ZNF674: variants seen among roughly 807,000 people sequenced by gnomAD.
ZNF674 encodes zinc finger protein 674.
Under a neutral mutation model 7.0 loss-of-function variants are expected in ZNF674, and 2 were observed. That is an observed-to-expected ratio of 0.29 (90% CI 0.12 to 0.90). ZNF674 has a LOEUF of 0.90. ZNF674 is among the 40% of genes least tolerant of loss of function. ZNF674 has a pLI of 0.57. For synonymous variants in ZNF674, 103 were observed against 145.2 expected (o/e 0.71, Z 2.09); for missense variants, 297 against 415.5 (o/e 0.71, Z 2.48).
At position 46,498,711 on chromosome X, in the gene ZNF674, T is replaced by C. The variant is rs1190240825; in HGVS notation, c.*1132A>G. On this transcript the variant is annotated 3_prime_UTR_variant, in exon 6 of 6. Coordinates refer to ENST00000683375, the MANE Select transcript of ZNF674 (RefSeq NM_001190417.2). Reference sequence around the variant, plus strand: ...ACCAGCCTGCCCAACATGGCAAAACTGCGTCTCTACTAAAAAAAAAAAAAA... The same window carrying C: ...ACCAGCCTGCCCAACATGGCAAAACCGCGTCTCTACTAAAAAAAAAAAAAA... 5.0e-4 allele frequency: 43 copies of C among 85,533 alleles called. 1 individual carries two copies. Among genetic ancestry groups the C allele is most frequent in the African/African-American group, 1.7e-3 (39 of 23,054 alleles). The allele number at this position is 85,533 out of a possible 1,213,427, so 7.0% of individuals were successfully genotyped here.
chrX:46,500,837 G>A lies in ZNF674; in HGVS notation c.737C>T (p.Pro246Leu), dbSNP rs1941411452. Residue 246 changes from proline (P) to leucine (L), a missense_variant, in exon 6 of 6, where the codon CCT becomes CTT. Transcript: ENST00000683375. ...TTTTGCACATTCGCAGCATTCATAA[G>A]GTTTCTCTCCGGTGTGAGTTCTTTG... ...VHQRTHTGEK[P>L]YECCECAKAF... 8.4e-7 allele frequency: 1 copy of A among 1,187,363 alleles called. No homozygotes were observed. The highest frequency in any genetic ancestry group is 1.8e-5 in the South Asian group (1 of 54,901).
chrX:46,504,686 A>T (rs1941496905), intron 5 of ZNF674, among the ~76,000 whole-genome samples: 1 of 110,010 alleles, frequency 9.1e-6, no homozygotes, highest in African/African-American at 3.3e-5. Flanking sequence ...AATTTTACAA[A>T]AAGAATTCTG....
intron 5 of ZNF674, among the ~76,000 whole-genome samples, chrX:46,504,908 G>C (rs1410072714): frequency 9.3e-6 from 1 of 107,378 alleles, no homozygotes; most frequent in East Asian, 2.9e-4. Flanking sequence ...TATTTATTTT[G>C]AGATGGAGTC....
chrX:46,532,033 C>T (rs1380031890), intron 3 of ZNF674, among the ~76,000 whole-genome samples: 1 of 110,301 alleles, frequency 9.1e-6, no homozygotes, highest in African/African-American at 3.3e-5. Context: ...GGCGTGGTGG[C>T]GGGCGCCTGT....
chrX:46,505,643 C>T (rs924026755), intron 5 of ZNF674, among the ~76,000 whole-genome samples: 10 of 110,712 alleles, frequency 9.0e-5, no homozygotes, highest in Admixed American at 2.9e-4. Context: ...TGATGACAGG[C>T]GCCTATAATC....
At chrX:46,542,767 G>A (rs1303152656) in intron 2 of ZNF674, among the ~76,000 whole-genome samples, 2 of 110,928 alleles carry the variant, frequency 1.8e-5, no homozygotes, top group East Asian at 5.6e-4. Flanking sequence ...GCAGCAAAGG[G>A]GACTTAGTAA....
intron 3 of ZNF674, among the ~76,000 whole-genome samples, chrX:46,535,485 A>T (rs190299998): frequency 8.9e-6 from 1 of 111,919 alleles, no homozygotes; most frequent in African/African-American, 3.2e-5. Context: ...AAGTGAGAAA[A>T]GTATTAGAAA....
At chrX:46,537,552 GCAT>G (rs1942222220) in intron 3 of ZNF674, among the ~76,000 whole-genome samples, 1 of 111,416 alleles carries the variant, frequency 9.0e-6, no homozygotes, top group Non-Finnish European at 1.9e-5. Flanking sequence ...CTTTCAAATG[GCAT>G]CATATTTTTT....
At chrX:46,530,540 C>A (rs1223568325) in intron 3 of ZNF674, among the ~76,000 whole-genome samples, 2 of 111,684 alleles carry the variant, frequency 1.8e-5, no homozygotes, top group African/African-American at 6.5e-5. Flanking sequence ...TCCTACCAGC[C>A]AGTCATAGTT....
intron 2 of ZNF674, among the ~76,000 whole-genome samples, chrX:46,543,621 C>A (rs771195501): frequency 2.6e-4 from 29 of 112,062 alleles, no homozygotes; most frequent in African/African-American, 7.8e-4. Context: ...CCTGCTCCCA[C>A]CCCACCACTT....
At chrX:46,502,511 A>G (rs891418891) in intron 5 of ZNF674, among the ~76,000 whole-genome samples, 1 of 111,293 alleles carries the variant, frequency 9.0e-6, no homozygotes, top group Non-Finnish European at 1.9e-5. Flanking sequence ...TTTTGAAAAA[A>G]GACAGATGAG....
At chrX:46,511,702 T>C in intron 5 of ZNF674, among the ~76,000 whole-genome samples, 1 of 112,196 alleles carries the variant, frequency 8.9e-6, no homozygotes, top group South Asian at 3.7e-4. Context: ...CTAAAGCCTA[T>C]TAGCTCTTAA....
intron 2 of ZNF674, among the ~76,000 whole-genome samples, chrX:46,544,029 G>A (rs1048724050): frequency 8.9e-6 from 1 of 112,896 alleles, no homozygotes; most frequent in East Asian, 2.8e-4. Context: ...GCATGGGGGT[G>A]CACAAATAGG....
intron 3 of ZNF674, among the ~76,000 whole-genome samples, chrX:46,541,680 G>T (rs1017759366): frequency 8.9e-6 from 1 of 112,202 alleles, no homozygotes; most frequent in Non-Finnish European, 1.9e-5. Flanking sequence ...GGGGGGAGAA[G>T]AAATAGAAAC....
chrX:46,515,101 G>A (rs757817086), intron 5 of ZNF674, among the ~76,000 whole-genome samples: 94 of 111,430 alleles, frequency 8.4e-4, no homozygotes, highest in Middle Eastern at 4.6e-3. Flanking sequence ...AGGCGTGATG[G>A]TGCATGCGTA....
intron 3 of ZNF674, among the ~76,000 whole-genome samples, chrX:46,535,981 G>C (rs756137610): frequency 8.9e-6 from 1 of 111,998 alleles, no homozygotes; most frequent in Admixed American, 9.6e-5. Flanking sequence ...TGCTGATGAA[G>C]AGTATTAGAA....
At chrX:46,535,509 G>A (rs1434514445) in intron 3 of ZNF674, among the ~76,000 whole-genome samples, 2 of 111,153 alleles carry the variant, frequency 1.8e-5, no homozygotes, top group Admixed American at 9.7e-5. Context: ...ACAAAACAAT[G>A]GGCTAATTTC....
chrX:46,502,090 G>A (rs940869032), intron 5 of ZNF674, among the ~76,000 whole-genome samples: 7 of 109,904 alleles, frequency 6.4e-5, no homozygotes, highest in African/African-American at 2.0e-4. Context: ...GGTGGATCAC[G>A]AGGTCAGGAG....
At chrX:46,544,323 C>T (rs1942341726) in intron 2 of ZNF674, among the ~76,000 whole-genome samples, 178 bp downstream of exon 2, 1 of 113,107 alleles carries the variant, frequency 8.8e-6, no homozygotes, top group African/African-American at 3.2e-5. Flanking sequence ...CCGTGAGCCT[C>T]CTTTGCTCTG....
Sources: allele counts gnomAD v4.1 joint callset (sites outside exome capture counted in the v4.1 genomes callset), GRCh38; gene constraint gnomAD v4.1.1; transcripts MANE v1.5; gene names NCBI Gene and HGNC (gene_info 2026-07-23, HGNC 2026-07-21).